Variants in RC3H1 observed in about 807,000 individuals in gnomAD.
RC3H1 encodes ring finger and CCCH-type domains 1.
A neutral mutation model predicts 138.2 loss-of-function variants in RC3H1; 50 were observed. The observed-to-expected ratio is 0.36, with a 90% confidence interval of 0.29 to 0.46. RC3H1 has a LOEUF of 0.46. Among genes scored for constraint, RC3H1 ranks in the 20% least tolerant of loss-of-function variants. RC3H1 has a pLI of 1.00. For missense variants in RC3H1, 1,031 were observed against 1,388.1 expected (o/e 0.74, Z 4.09); for synonymous variants, 462 against 489.1 (o/e 0.94, Z 0.73).
At position 173,941,365 on chromosome 1, in the gene RC3H1, G is replaced by C; in HGVS notation, c.3151C>G (p.Leu1051Val). 1 of 1,610,086 alleles carries C rather than the reference G, an allele frequency of 6.2e-7. No homozygotes were observed. Among genetic ancestry groups the C allele is most frequent in the East Asian group, 2.2e-5 (1 of 44,830 alleles). Reference sequence around the variant, plus strand: ...GTATTCAGTTTGCTTTTCATGTCCAGAGAACACTGGTTTTCCTTTGAAAGA... The same window carrying C: ...GTATTCAGTTTGCTTTTCATGTCCACAGAACACTGGTTTTCCTTTGAAAGA... ...RELSMENQCS[L>V]DMKSKLNTSK... The change falls in exon 19 of 20, where the codon CTG becomes GTG. Residue 1051 changes from leucine to valine, a missense_variant. Coordinates refer to ENST00000367696, the MANE Select transcript of RC3H1 (RefSeq NM_172071.4).
rs1178925982 is a variant in RC3H1, at chr1:173,936,433, G to C, written c.*2288C>G. The C allele has an allele frequency of 1.4e-5, 2 of 139,084 alleles. No individual in the cohort carries two copies. The highest frequency in any genetic ancestry group is 3.0e-5 in the Non-Finnish European group (2 of 66,406). The allele number at this position is 139,084 out of a possible 1,614,324, so 8.6% of individuals were successfully genotyped here. The stretch of plus-strand genomic sequence containing the variant: ...GGAGGCTGAGGCAGGAGAATCGCTT[G>C]AACCCGGGAGGTGGAGGTTGTAGCG... On this transcript the variant is annotated 3_prime_UTR_variant, in exon 20 of 20. Transcript: ENST00000367696.
chr1:173,980,296 T>C (rs1412617321), intron 6 of RC3H1, among the ~76,000 whole-genome samples: 1 of 148,474 alleles, frequency 6.7e-6, no homozygotes, highest in Non-Finnish European at 1.5e-5. Flanking sequence ...AATAGTCTGG[T>C]AAAAGGTTAG....
intron 1 of RC3H1, among the ~76,000 whole-genome samples, chr1:174,015,340 C>T (rs1257364608): frequency 6.8e-6 from 1 of 146,918 alleles, no homozygotes; most frequent in African/African-American, 2.5e-5. Context: ...TTTAGTGATT[C>T]TGTTTCATTC....
rs1433587549 is a variant in RC3H1, at chr1:173,960,113, A to AG, written c.2370+963_2370+964insC. ...ACAGAATGAGACTCCGACTCAAAAA[A>AG]AAAAAAAAAAAAAAAAAGATACAAA... is the stretch of plus-strand genomic sequence containing the variant. On this transcript the variant is annotated intron_variant, in intron 13 of 19. Transcript: ENST00000367696. Among the ~76,000 whole-genome samples the AG allele has an allele frequency of 2.0e-5, 3 of 150,294 alleles. No individual in the cohort carries two copies. The East Asian group carries it at 5.9e-4, about 29-fold the overall frequency.
At chr1:173,956,750 G>C (rs1041493070) in intron 13 of RC3H1, among the ~76,000 whole-genome samples, 2 of 149,922 alleles carry the variant, frequency 1.3e-5, no homozygotes, top group Non-Finnish European at 3.0e-5. Context: ...CTACTAAAAA[G>C]ATGTTAGTTC....
intron 14 of RC3H1, 73 bp downstream of exon 14, chr1:173,951,913 T>C (rs975591445): frequency 2.8e-5 from 40 of 1,413,456 alleles, no homozygotes; most frequent in African/African-American, 1.4e-4. Flanking sequence ...TATTTGTGCC[T>C]AAATGGTAAT....
chr1:173,970,534 T>C lies in RC3H1; in HGVS notation c.1305A>G (p.Thr435=). Residue 435 remains threonine, a synonymous_variant, in exon 9 of 20, where the codon ACA becomes ACG. Coordinates refer to ENST00000367696, the MANE Select transcript of RC3H1 (RefSeq NM_172071.4). ...RGGCPRGASC[T]FAHSQEELEK... Reference sequence around the variant, plus strand: ...CCAGTTCCTCCTGTGAGTGTGCAAATGTACAGCTGGCCCCACGAGGGCATC... The same window carrying C: ...CCAGTTCCTCCTGTGAGTGTGCAAACGTACAGCTGGCCCCACGAGGGCATC... 6.2e-7 allele frequency: 1 copy of C among 1,613,794 alleles called. No homozygotes were observed. Among genetic ancestry groups the C allele is most frequent in the South Asian group, 1.1e-5 (1 of 91,066 alleles).
intron 2 of RC3H1, among the ~76,000 whole-genome samples, chr1:173,987,185 C>A (rs568414655): frequency 6.6e-6 from 1 of 152,322 alleles, no homozygotes; most frequent in South Asian, 2.1e-4. Flanking sequence ...ATAATCTCCA[C>A]AAACTGTACT....
At chr1:173,959,763 C>A (rs1196921731) in intron 13 of RC3H1, among the ~76,000 whole-genome samples, 1 of 150,838 alleles carries the variant, frequency 6.6e-6, no homozygotes, top group African/African-American at 2.4e-5. Context: ...GAGCAACACT[C>A]TGTCTCAGAA....
rs542131314 is a variant in RC3H1 at position 173,990,854 on chromosome 1, G to A, written c.231+1901C>T. 6.2e-4 allele frequency among the ~76,000 whole-genome samples: 95 copies of A among 152,156 alleles called. 2 individuals are homozygous for A. In the East Asian group the frequency reaches 0.015, roughly 23 times the overall value. On this transcript the variant is annotated intron_variant, in intron 2 of 19. Transcript: ENST00000367696. Reference sequence around the variant, plus strand: ...CCTGACCTCGTGATCCACCCGCCTCGGCCTCCCAAAGTGCTGGGATTACAG... The same window carrying A: ...CCTGACCTCGTGATCCACCCGCCTCAGCCTCCCAAAGTGCTGGGATTACAG...
chr1:173,996,675 G>A (rs752371846), intron 1 of RC3H1, among the ~76,000 whole-genome samples: 6 of 152,062 alleles, frequency 3.9e-5, no homozygotes, highest in Non-Finnish European at 7.3e-5. Context: ...TGTGACCTAC[G>A]TCCGGGCATA....
intron 18 of RC3H1, 150 bp from the exon 19 acceptor site, chr1:173,941,530 A>G (rs1186351263): frequency 1.7e-6 from 1 of 581,680 alleles, no homozygotes; most frequent in African/African-American, 1.9e-5. Context: ...AAAGAGTGAC[A>G]TACATAAAAA....
intron 13 of RC3H1, 134 bp downstream of exon 13, chr1:173,960,943 A>T (rs1659846028): frequency 7.8e-6 from 6 of 772,710 alleles, no homozygotes; most frequent in Non-Finnish European, 1.2e-5. Context: ...TGGATTGTAG[A>T]GTTAAATGAT....
In RC3H1 at chr1:173,952,128, T is replaced by C; in HGVS notation, c.2381A>G (p.Glu794Gly). ...PTFHPEEFLD[E>G]DLKVAGKYKG... ...GTATTTCCCAGCTACCTTCAAGTCT[T>C]CATCCAAAAACTACAGATGGAGAAA... Residue 794 changes from glutamate (E) to glycine (G), a missense_variant, in exon 14 of 20, where the codon GAA becomes GGA. Around this residue, in one of 7 missense-constraint regions of RC3H1, gnomAD observed 716 missense variants for 837.9 expected, o/e 0.85. Transcript: ENST00000367696. 1 of 1,494,708 alleles carries C rather than the reference T, an allele frequency of 6.7e-7. No individual in the cohort carries two copies. Among genetic ancestry groups the C allele is most frequent in the Non-Finnish European group, 8.9e-7 (1 of 1,121,074 alleles). 92.6% of individuals were successfully genotyped at this position (1,494,708 alleles called of 1,614,324 possible). A position where few individuals can be genotyped will look rare whatever the true frequency, so the allele number is the denominator to read the frequency against.
At chr1:174,007,033 T>C (rs1378353648) in intron 1 of RC3H1, among the ~76,000 whole-genome samples, 2 of 152,136 alleles carry the variant, frequency 1.3e-5, no homozygotes, top group African/African-American at 2.4e-5. Context: ...TCCTTTATTC[T>C]TCCCCAAATA....
chr1:174,005,953 C>T (rs1218436604), intron 1 of RC3H1, among the ~76,000 whole-genome samples: 1 of 152,120 alleles, frequency 6.6e-6, no homozygotes, highest in African/African-American at 2.4e-5. Flanking sequence ...TGCCTGTAAT[C>T]CCAGCACTTT....
intron 8 of RC3H1, among the ~76,000 whole-genome samples, chr1:173,970,933 C>A (rs531526934): frequency 6.7e-6 from 1 of 149,880 alleles, no homozygotes; most frequent in South Asian, 2.1e-4. Context: ...AGAAAAAGCT[C>A]ATGGGGACAC....
intron 1 of RC3H1, among the ~76,000 whole-genome samples, chr1:174,008,215 TATATTTAATA>T (rs1252883916): frequency 6.6e-6 from 1 of 152,222 alleles, no homozygotes; most frequent in Non-Finnish European, 1.5e-5. Context: ...AAAAACCTAG[TATATTTAATA>T]ATAGCAATAA....
chr1:173,945,612 A>G (rs1013366033), intron 17 of RC3H1, among the ~76,000 whole-genome samples: 1 of 152,174 alleles, frequency 6.6e-6, no homozygotes, highest in African/African-American at 2.4e-5. Context: ...GTCAAATAAG[A>G]TAAGTGGTAG....
Sources: gnomAD v4.1 joint callset for allele counts (sites outside exome capture counted in the v4.1 genomes callset) on GRCh38, gnomAD v4.1.1 for gene constraint, gnomAD v4.1.1 regional missense constraint, MANE v1.5 for transcripts, NCBI Gene and HGNC (gene_info 2026-07-23, HGNC 2026-07-21) for gene names.